Variants in MAGI2 observed in about 807,000 individuals in gnomAD.
MAGI2 encodes the protein membrane-associated guanylate kinase, WW and PDZ domain-containing protein 2.
MAGI2 carries 35 observed loss-of-function variants against 133.3 expected under a neutral mutation model. The ratio of observed to expected loss-of-function variants is 0.26; its 90% confidence interval spans 0.20 to 0.35. The LOEUF is 0.35. Among genes scored for constraint, MAGI2 ranks in the 10% least tolerant of loss-of-function variants. MAGI2 has a pLI of 1.00. For synonymous variants in MAGI2, 729 were observed against 710.6 expected, an observed-to-expected ratio of 1.03 and a Z score of -0.41; for missense variants, 1,636 against 1,863.4, an observed-to-expected ratio of 0.88 and a Z score of 2.25.
chr7:79,430,631 A>C (rs1260960522), intron 1 of MAGI2, among the ~76,000 whole-genome samples: 1 of 152,148 alleles, frequency 6.6e-6, no homozygotes, highest in Admixed American at 6.5e-5. Flanking sequence ...ATCATCTCCA[A>C]AACCACCGCA....
chr7:78,897,874 G>A (rs1797329687), intron 2 of MAGI2, among the ~76,000 whole-genome samples: 1 of 152,110 alleles, frequency 6.6e-6, no homozygotes, highest in Non-Finnish European at 1.5e-5. Context: ...TTAAACTTAA[G>A]GCTTCTGAAG....
chr7:78,092,727 A>C (rs1239461999), intron 20 of MAGI2, among the ~76,000 whole-genome samples: 1 of 152,160 alleles, frequency 6.6e-6, no homozygotes, highest in East Asian at 1.9e-4. Flanking sequence ...GTTTCGGTTA[A>C]TAATTGTCTG....
chr7:78,088,616 G>T (rs1457432086), intron 20 of MAGI2, among the ~76,000 whole-genome samples: 1 of 152,194 alleles, frequency 6.6e-6, no homozygotes, highest in African/African-American at 2.4e-5. Flanking sequence ...AGGAAAAGAA[G>T]TTACAGGGGC....
At chr7:78,756,885 C>T (rs527523354) in intron 2 of MAGI2, among the ~76,000 whole-genome samples, 1 of 152,232 alleles carries the variant, frequency 6.6e-6, no homozygotes, top group African/African-American at 2.4e-5. Context: ...CCAGCTCTGT[C>T]GTCTTATCTT....
chr7:78,332,503 C>T (rs1377267233), intron 9 of MAGI2, among the ~76,000 whole-genome samples: 1 of 152,018 alleles, frequency 6.6e-6, no homozygotes, highest in Non-Finnish European at 1.5e-5. Context: ...TCGAGACCAT[C>T]CTGGCTAAAA....
At chr7:78,633,560 G>A (rs1269955622) in intron 2 of MAGI2, among the ~76,000 whole-genome samples, 1 of 152,024 alleles carries the variant, frequency 6.6e-6, no homozygotes, top group Non-Finnish European at 1.5e-5. Context: ...AAAAAAATTA[G>A]CCGGGCGTGG....
chr7:78,533,407 A>G (rs974961712), intron 3 of MAGI2, among the ~76,000 whole-genome samples: 1 of 152,196 alleles, frequency 6.6e-6, no homozygotes, highest in Non-Finnish European at 1.5e-5. Flanking sequence ...GATGAGGAAA[A>G]GAGAAGATGA....
intron 3 of MAGI2, among the ~76,000 whole-genome samples, chr7:78,604,409 G>A (rs530551158): frequency 1.8e-4 from 28 of 152,208 alleles, no homozygotes; most frequent in African/African-American, 2.9e-4. Flanking sequence ...TGGTTTGCCC[G>A]TCCTTTGTTG....
chr7:79,008,590 T>C (rs1299912678), intron 1 of MAGI2, among the ~76,000 whole-genome samples: 1 of 152,158 alleles, frequency 6.6e-6, no homozygotes, highest in South Asian at 2.1e-4. Flanking sequence ...ATAGTGGAAA[T>C]CAAATGACAT....
intron 2 of MAGI2, among the ~76,000 whole-genome samples, chr7:78,759,995 A>G (rs1291419324): frequency 6.6e-6 from 1 of 152,126 alleles, no homozygotes; most frequent in Non-Finnish European, 1.5e-5. Flanking sequence ...TGTGCCTGTA[A>G]TCCCAGCTAC....
chr7:78,434,064 T>C (rs1301104182), intron 6 of MAGI2, among the ~76,000 whole-genome samples: 1 of 152,170 alleles, frequency 6.6e-6, no homozygotes, highest in East Asian at 1.9e-4. Context: ...GCTTCAGTTG[T>C]TTCCACATGC....
chr7:78,597,138 T>A (rs1447349703), intron 3 of MAGI2, among the ~76,000 whole-genome samples: 1 of 152,170 alleles, frequency 6.6e-6, no homozygotes, highest in African/African-American at 2.4e-5. Context: ...GAAAGGAGGC[T>A]AACCAGAAAG....
chr7:79,442,118 G>A (rs944512504), intron 1 of MAGI2, among the ~76,000 whole-genome samples: 3 of 152,048 alleles, frequency 2.0e-5, no homozygotes, highest in African/African-American at 4.8e-5. Context: ...GCCACTTTGC[G>A]ATACAAATAA....
At chr7:79,188,402 T>C (rs566420183) in intron 1 of MAGI2, among the ~76,000 whole-genome samples, 19 of 151,954 alleles carry the variant, frequency 1.3e-4, no homozygotes, top group African/African-American at 4.4e-4. Flanking sequence ...CTGAGTTAGT[T>C]TGCTGAGGAT....
intron 6 of MAGI2, among the ~76,000 whole-genome samples, chr7:78,445,001 C>T (rs959629829): frequency 4.0e-5 from 6 of 151,288 alleles, no homozygotes; most frequent in African/African-American, 1.5e-4. Context: ...TATTCAAATT[C>T]CCCTGTCTTG....
chr7:78,287,131 A>G (rs1796224418), intron 9 of MAGI2, among the ~76,000 whole-genome samples: 1 of 152,210 alleles, frequency 6.6e-6, no homozygotes, highest in South Asian at 2.1e-4. Context: ...TTCTGGAGGT[A>G]AAGTTAGGGT....
At chr7:79,442,752 C>T (rs1848573445) in intron 1 of MAGI2, among the ~76,000 whole-genome samples, 1 of 147,642 alleles carries the variant, frequency 6.8e-6, no homozygotes, top group Non-Finnish European at 1.5e-5. Flanking sequence ...TTCACACACA[C>T]AAAATGTCTA....
chr7:78,095,244 A>G (rs1170651379), intron 20 of MAGI2, among the ~76,000 whole-genome samples: 1 of 152,152 alleles, frequency 6.6e-6, no homozygotes, highest in Admixed American at 6.6e-5. Context: ...CTTTTTTGGA[A>G]GATAGTAAAT....
intron 18 of MAGI2, among the ~76,000 whole-genome samples, chr7:78,128,774 G>A (rs1326097098): frequency 1.3e-5 from 2 of 152,172 alleles, no homozygotes; most frequent in African/African-American, 2.4e-5. Context: ...AACCCTTTGA[G>A]TAGGTCCCAT....
Sources: gnomAD v4.1 joint callset for allele counts (sites outside exome capture counted in the v4.1 genomes callset) on GRCh38, gnomAD v4.1.1 for gene constraint, MANE v1.5 for transcripts, NCBI Gene and HGNC (gene_info 2026-07-23, HGNC 2026-07-21) for gene names.